The following RPRD1B variants were observed in gnomAD, a reference collection of about 807,000 sequenced individuals.
RPRD1B encodes the protein regulation of nuclear pre-mRNA domain-containing protein 1B.
Under a neutral mutation model 41.5 loss-of-function variants are expected in RPRD1B, and 11 were observed. That is an observed-to-expected ratio of 0.27 (90% CI 0.17 to 0.44). The LOEUF (loss-of-function observed/expected upper bound fraction) is 0.44. Among genes scored for constraint, RPRD1B ranks in the 20% least tolerant of loss-of-function variants. The pLI is 1.00. For missense variants in RPRD1B, 248 were observed against 389.9 expected (o/e 0.64, Z 3.06); for synonymous variants, 158 against 155.6 (o/e 1.02, Z -0.12).
intron 3 of RPRD1B, 45 bp from the exon 4 acceptor site, chr20:38,057,487 C>A: frequency 1.4e-6 from 2 of 1,385,000 alleles, no homozygotes; most frequent in Non-Finnish European, 2.1e-6. Context: ...TGACTTATCA[C>A]TACAGGATAT....
intron 6 of RPRD1B, among the ~76,000 whole-genome samples, chr20:38,082,307 G>A (rs1404786770): frequency 6.6e-6 from 1 of 152,124 alleles, no homozygotes; most frequent in Non-Finnish European, 1.5e-5. Context: ...GTGTTTCTAG[G>A]AATTTATCCA....
intron 6 of RPRD1B, among the ~76,000 whole-genome samples, chr20:38,073,490 C>T (rs1285688272): frequency 6.6e-6 from 1 of 152,176 alleles, no homozygotes; most frequent in South Asian, 2.1e-4. Flanking sequence ...CTTCATATTT[C>T]TGTTTGATTG....
chr20:38,057,874 T>G (rs1208277119), intron 4 of RPRD1B, among the ~76,000 whole-genome samples: 1 of 152,214 alleles, frequency 6.6e-6, no homozygotes, highest in Non-Finnish European at 1.5e-5. Flanking sequence ...GTACTTGGAC[T>G]TGGTTTTTTC....
At chr20:38,071,448 T>A (rs145980627) in intron 6 of RPRD1B, among the ~76,000 whole-genome samples, 5 of 152,344 alleles carry the variant, frequency 3.3e-5, no homozygotes, top group African/African-American at 1.2e-4. Flanking sequence ...CTATGGACAT[T>A]TGAGTTGTTG....
At chr20:38,081,886 A>G (rs1244216714) in intron 6 of RPRD1B, among the ~76,000 whole-genome samples, 1 of 152,198 alleles carries the variant, frequency 6.6e-6, no homozygotes, top group Admixed American at 6.5e-5. Flanking sequence ...TGCTGAACCA[A>G]CCTTGATTCA....
intron 6 of RPRD1B, among the ~76,000 whole-genome samples, chr20:38,067,764 A>G (rs996255396): frequency 2.0e-5 from 3 of 152,234 alleles, no homozygotes; most frequent in Admixed American, 2.0e-4. Flanking sequence ...CCAGACGGTC[A>G]TTTATCTGAA....
At chr20:38,040,881 A>AG (rs1383493586) in intron 2 of RPRD1B, among the ~76,000 whole-genome samples, 2 of 152,246 alleles carry the variant, frequency 1.3e-5, no homozygotes, top group African/African-American at 4.8e-5. Context: ...TGATCAAAAA[A>AG]CAAAGCTAAC....
chr20:38,062,259 C>T (rs992627593), intron 5 of RPRD1B, among the ~76,000 whole-genome samples: 2 of 152,186 alleles, frequency 1.3e-5, no homozygotes, highest in African/African-American at 2.4e-5. Flanking sequence ...CTGGTTTCTT[C>T]ACTCCTCCTT....
At chr20:38,068,803 A>G (rs1177237155) in intron 6 of RPRD1B, among the ~76,000 whole-genome samples, 1 of 152,170 alleles carries the variant, frequency 6.6e-6, no homozygotes, top group African/African-American at 2.4e-5. Context: ...TGGTGGCCGA[A>G]CTTGATAAAT....
chr20:38,070,331 G>A (rs548905752), intron 6 of RPRD1B: 1 of 985,460 alleles, frequency 1.0e-6, no homozygotes, highest in African/African-American at 1.7e-5. Flanking sequence ...ATGAACATGA[G>A]AAAACCTAGA....
intron 6 of RPRD1B, among the ~76,000 whole-genome samples, chr20:38,066,660 T>G (rs2074359829): frequency 6.6e-6 from 1 of 152,198 alleles, no homozygotes; most frequent in Admixed American, 6.5e-5. Flanking sequence ...GGAGGTTTAT[T>G]TCTTTTTTTT....
chr20:38,058,542 A>G (rs891823950), intron 4 of RPRD1B, among the ~76,000 whole-genome samples: 1 of 152,202 alleles, frequency 6.6e-6, no homozygotes, highest in Non-Finnish European at 1.5e-5. Context: ...ACAATTTAAG[A>G]AACTCCTTTT....
intron 6 of RPRD1B, 52 bp downstream of exon 6, chr20:38,066,308 C>G (rs1222930363): frequency 6.5e-7 from 1 of 1,539,722 alleles, no homozygotes; most frequent in Non-Finnish European, 8.9e-7. Flanking sequence ...TTCCTGTAGC[C>G]CACATTAGGA....
chr20:38,089,654 C>T, intron 6 of RPRD1B, 72 bp from the exon 7 acceptor site: 1 of 1,287,092 alleles, frequency 7.8e-7, no homozygotes, highest in Non-Finnish European at 1.1e-6. Context: ...AGAGTAGCTG[C>T]CCGGCTCCAG....
chr20:38,085,730 T>C (rs2122771896), intron 6 of RPRD1B: 1 of 152,340 alleles, frequency 6.6e-6, no homozygotes. Flanking sequence ...ACCTGGAAAG[T>C]CAGCTAGTGA....
chr20:38,088,891 A>G lies in RPRD1B; in HGVS notation c.832-835A>G, dbSNP rs6022924. Among the ~76,000 whole-genome samples, 486 of 152,248 alleles carry G rather than the reference A, an allele frequency of 3.2e-3. 2 individuals are homozygous for G. Among genetic ancestry groups the G allele is most frequent in the African/African-American group, 0.011 (457 of 41,536 alleles). On this transcript the variant is annotated intron_variant, in intron 6 of 6. Coordinates refer to ENST00000373433, the MANE Select transcript of RPRD1B (RefSeq NM_021215.4). The stretch of plus-strand genomic sequence containing the variant: ...GAGGTGGAGTCCAGATAGTCCAAGG[A>G]GCAGAGGAGTGGAGGCCAGGCTTTG...
At chr20:38,066,383 A>G in intron 6 of RPRD1B, 127 bp downstream of exon 6, 1 of 893,084 alleles carries the variant, frequency 1.1e-6, no homozygotes, top group South Asian at 1.7e-5. Flanking sequence ...TGAATTCTGA[A>G]CATCCATCAG....
At chr20:38,057,988 A>AG (rs1251447388) in intron 4 of RPRD1B, among the ~76,000 whole-genome samples, 2 of 152,254 alleles carry the variant, frequency 1.3e-5, no homozygotes, top group Non-Finnish European at 2.9e-5. Flanking sequence ...TGTCTCCAGT[A>AG]GCATGGTAGT....
Position 38,048,576 on chromosome 20 carries a change from C to T in RPRD1B, c.415+95C>T, listed in dbSNP as rs372953674. 31 of 1,485,242 alleles carry T rather than the reference C, an allele frequency of 2.1e-5. No homozygotes were observed. The African/African-American group carries it at 2.2e-4, about 11-fold the overall frequency. 92.0% of individuals were successfully genotyped at this position (1,485,242 alleles called of 1,614,324 possible). A position where few individuals can be genotyped will look rare whatever the true frequency, so the allele number is the denominator to read the frequency against. ...AGTGGGGTTTGCTGTGAACCACCAG[C>T]GATTTTATGATTCTTCAGAGAGACA... On this transcript the variant is annotated intron_variant, in intron 3 of 6. Coordinates refer to ENST00000373433, the MANE Select transcript of RPRD1B (RefSeq NM_021215.4).
Sources: gnomAD v4.1 joint callset for allele counts (sites outside exome capture counted in the v4.1 genomes callset) on GRCh38, gnomAD v4.1.1 for gene constraint, MANE v1.5 for transcripts, NCBI Gene and HGNC (gene_info 2026-07-23, HGNC 2026-07-21) for gene names.